RPH3A: variants seen among roughly 807,000 people sequenced by gnomAD.
The protein encoded by RPH3A is rabphilin 3A.
In RPH3A, 48 loss-of-function variants were observed where a neutral mutation model predicts 102.2. That is an observed-to-expected ratio of 0.47 (90% CI 0.37 to 0.60). The LOEUF is 0.60. Among genes scored for constraint, RPH3A ranks in the 20% least tolerant of loss-of-function variants. The pLI is 0.00. For missense variants in RPH3A, 781 were observed against 910.1 expected (o/e 0.86, Z 1.83); for synonymous variants, 310 against 324.3 (o/e 0.96, Z 0.47).
At position 112,896,683 on chromosome 12, in the gene RPH3A, A is replaced by C; in HGVS notation, c.1988A>C (p.Glu663Ala). 1 of 1,613,928 alleles carries C rather than the reference A, an allele frequency of 6.2e-7. No individual in the cohort carries two copies. Among genetic ancestry groups the C allele is most frequent in the Non-Finnish European group, 8.5e-7 (1 of 1,179,962 alleles). The change falls in exon 22 of 22, where the codon GAG becomes GCG. Residue 663 changes from glutamate to alanine, a missense_variant. Glu to Ala is a moderately radical substitution (Grantham distance 107). Coordinates refer to ENST00000389385, the MANE Select transcript of RPH3A (RefSeq NM_001143854.2). ...CAGCTGGGGATCTCTGCCAAGGGAG[A>C]GCGCTTAAAACACTGGTACGAGTGT... ...GCQLGISAKG[E>A]RLKHWYECLK... is the part of the protein sequence containing the mutation.
At chr12:112,755,357 T>C (rs2040817070) in intron 1 of RPH3A, among the ~76,000 whole-genome samples, 2 of 148,996 alleles carry the variant, frequency 1.3e-5, no homozygotes, top group South Asian at 4.3e-4. Context: ...GCATACCTTG[T>C]TAAATACACA....
intron 1 of RPH3A, among the ~76,000 whole-genome samples, chr12:112,608,371 C>A (rs1293642243): frequency 6.6e-6 from 1 of 152,150 alleles, no homozygotes; most frequent in African/African-American, 2.4e-5. Flanking sequence ...CCGCTTTGGT[C>A]TCCCAAAGTG....
At chr12:112,790,052 C>T (rs1042005506), upstream of RPH3A, among the ~76,000 whole-genome samples, 2 of 151,850 alleles carry the variant, frequency 1.3e-5, no homozygotes, top group South Asian at 2.1e-4. Flanking sequence ...GAGTGAGACA[C>T]TGTCTTTTTC....
intron 1 of RPH3A, among the ~76,000 whole-genome samples, chr12:112,719,998 C>T (rs1375600947): frequency 6.6e-6 from 1 of 152,100 alleles, no homozygotes; most frequent in Non-Finnish European, 1.5e-5. Context: ...CCCATTGCAC[C>T]AAAATAATGT....
At chr12:112,675,699 G>A (rs946400444) in intron 1 of RPH3A, among the ~76,000 whole-genome samples, 18 of 152,180 alleles carry the variant, frequency 1.2e-4, no homozygotes, top group African/African-American at 4.1e-4. Flanking sequence ...TATGACTCTG[G>A]TTGTATCTGA....
At chr12:112,680,991 G>A (rs1230052491) in intron 1 of RPH3A, among the ~76,000 whole-genome samples, 2 of 151,292 alleles carry the variant, frequency 1.3e-5, no homozygotes, top group South Asian at 2.1e-4. Context: ...CTCCCAAACC[G>A]TTATTTGGTT....
chr12:112,769,355 G>A (rs1848626101), intron 1 of RPH3A, among the ~76,000 whole-genome samples: 3 of 152,164 alleles, frequency 2.0e-5, no homozygotes, highest in African/African-American at 7.2e-5. Flanking sequence ...TTCATCTCAC[G>A]TTGAAGTAAA....
chr12:112,819,397 G>A (rs1363386724), intron 2 of RPH3A, among the ~76,000 whole-genome samples: 12 of 152,184 alleles, frequency 7.9e-5, no homozygotes, highest in South Asian at 2.1e-4. Context: ...GTGAGCCACC[G>A]TGCCTGATTA....
chr12:112,855,697 G>C (rs942569196), intron 5 of RPH3A, among the ~76,000 whole-genome samples: 6 of 152,178 alleles, frequency 3.9e-5, no homozygotes, highest in Non-Finnish European at 7.3e-5. Flanking sequence ...AGAGACCCTG[G>C]CATTAGAGCC....
intron 1 of RPH3A, among the ~76,000 whole-genome samples, chr12:112,608,909 C>T (rs1260286167): frequency 6.6e-6 from 1 of 152,022 alleles, no homozygotes; most frequent in Non-Finnish European, 1.5e-5. Flanking sequence ...TTAAAATGCT[C>T]CAGGAACTGA....
At chr12:112,838,654 G>A (rs966860306) in intron 4 of RPH3A, among the ~76,000 whole-genome samples, 3 of 152,176 alleles carry the variant, frequency 2.0e-5, no homozygotes, top group African/African-American at 7.2e-5. Flanking sequence ...TTCATGCCCC[G>A]ACAGCATTTC....
chr12:112,834,289 A>G (rs983171499), intron 3 of RPH3A, among the ~76,000 whole-genome samples: 3 of 152,222 alleles, frequency 2.0e-5, no homozygotes, highest in Admixed American at 1.3e-4. Context: ...AGATCCAATC[A>G]TATTGTTTTG....
Position 112,883,241 on chromosome 12 carries a change from G to A in RPH3A, c.1327-52G>A, listed in dbSNP as rs2136249988. On this transcript the variant is annotated intron_variant, in intron 15 of 21. Transcript: ENST00000389385. ...GTCAGCCCAAACGATGGGGTTCCAG[G>A]ACTGGCTCCCCACTGAGGTAGGTGT... The A allele has an allele frequency of 6.2e-6, 9 of 1,445,468 alleles. No individual in the cohort carries two copies. The South Asian group carries it at 8.2e-5, about 13-fold the overall frequency. The allele number at this position is 1,445,468 out of a possible 1,614,324, so 89.5% of individuals were successfully genotyped here.
chr12:112,657,146 A>G (rs1452612484), intron 1 of RPH3A, among the ~76,000 whole-genome samples: 1 of 152,150 alleles, frequency 6.6e-6, no homozygotes, highest in African/African-American at 2.4e-5. Context: ...GACTGGTGTA[A>G]GATGGGATCT....
chr12:112,799,646 TCA>T (rs1436519062), intron 2 of RPH3A, among the ~76,000 whole-genome samples: 1 of 152,116 alleles, frequency 6.6e-6, no homozygotes, highest in Non-Finnish European at 1.5e-5. Context: ...CCCTCAGAGC[TCA>T]GAGGTCAGTC....
At chr12:112,598,130 C>T (rs556820793) in intron 1 of RPH3A, among the ~76,000 whole-genome samples, 9 of 152,316 alleles carry the variant, frequency 5.9e-5, no homozygotes, top group East Asian at 5.8e-4. Context: ...ATCCTGCAGA[C>T]GCCTTCTGGG....
chr12:112,883,510 C>T, intron 16 of RPH3A, 108 bp downstream of exon 16: 1 of 712,496 alleles, frequency 1.4e-6, no homozygotes, highest in East Asian at 2.7e-5. Flanking sequence ...AAGATCTCTA[C>T]ATAGTTTATT....
intron 1 of RPH3A, among the ~76,000 whole-genome samples, chr12:112,672,504 G>T (rs1230888956): frequency 6.6e-6 from 1 of 152,190 alleles, no homozygotes; most frequent in Non-Finnish European, 1.5e-5. Flanking sequence ...ATTTCACAGG[G>T]TTATGGTGAG....
At chr12:112,703,832 T>C (rs536627385) in intron 1 of RPH3A, among the ~76,000 whole-genome samples, 2 of 152,350 alleles carry the variant, frequency 1.3e-5, no homozygotes, top group East Asian at 3.9e-4. Flanking sequence ...CTCCTGTGTC[T>C]TCATTCAGCC....
Sources: gnomAD v4.1 joint callset for allele counts (sites outside exome capture counted in the v4.1 genomes callset) on GRCh38, gnomAD v4.1.1 for gene constraint, MANE v1.5 for transcripts, NCBI Gene and HGNC (gene_info 2026-07-23, HGNC 2026-07-21) for gene names.